Variants in TENM2 observed in about 807,000 individuals in gnomAD.
The protein encoded by TENM2 is teneurin-2.
TENM2 carries 52 observed loss-of-function variants against 245.2 expected under a neutral mutation model. That is an observed-to-expected ratio of 0.21 (90% CI 0.17 to 0.27). TENM2 has a LOEUF of 0.27. Ranked by LOEUF, TENM2 falls within the 10% of genes least tolerant of loss-of-function variation. The probability of loss-of-function intolerance (pLI) is 1.00; values close to 1 mark genes in which losing one functional copy is unlikely to be tolerated. For missense variants in TENM2, 3,046 were observed against 3,666.8 expected (o/e 0.83, Z 4.37); for synonymous variants, 1,363 against 1,438.9 (o/e 0.95, Z 1.19).
intron 2 of TENM2, among the ~76,000 whole-genome samples, chr5:167,733,288 T>C (rs7737589): frequency 6.6e-6 from 1 of 152,184 alleles, no homozygotes; most frequent in Non-Finnish European, 1.5e-5. Context: ...GTCTAGTCAG[T>C]GCTGTGTCAG....
chr5:167,120,929 C>G, the TENM2 span, among the ~76,000 whole-genome samples: 1 of 152,238 alleles, frequency 6.6e-6, no homozygotes, highest in South Asian at 2.1e-4. Flanking sequence ...GTACTTATGC[C>G]TCATGCATCC....
At chr5:168,228,042 C>G in exon 25 of TENM2, 1 of 1,613,906 alleles carries the variant, frequency 6.2e-7, no homozygotes, top group Middle Eastern at 1.7e-4. Flanking sequence ...ATCTCCCTGC[C>G]TATGGAGAAT....
chr5:167,589,814 C>A (rs770084096), intron 2 of TENM2, among the ~76,000 whole-genome samples: 19 of 151,648 alleles, frequency 1.3e-4, no homozygotes, highest in Non-Finnish European at 2.4e-4. Context: ...AATGTGTATG[C>A]CTTACAAATT....
intron 2 of TENM2, among the ~76,000 whole-genome samples, chr5:167,745,685 C>A (rs1324371845): frequency 6.6e-6 from 1 of 152,112 alleles, no homozygotes; most frequent in African/African-American, 2.4e-5. Flanking sequence ...TACTCTACCC[C>A]CAGTCCTAGC....
chr5:168,090,469 A>G, intron 7 of TENM2, 105 bp from the exon 10 acceptor site: 2 of 966,902 alleles, frequency 2.1e-6, no homozygotes, highest in East Asian at 2.6e-5. Context: ...ATGTGCTACA[A>G]AAAAGGTCTT....
At chr5:167,618,987 G>T (rs987546295) in intron 2 of TENM2, among the ~76,000 whole-genome samples, 2 of 152,014 alleles carry the variant, frequency 1.3e-5, no homozygotes, top group African/African-American at 2.4e-5. Context: ...CAATTGGGGT[G>T]GTTGTCACTG....
rs569812326 is a variant in TENM2, at chr5:167,899,907, A to C, written c.712+23712A>C. On this transcript the variant is annotated intron_variant, in intron 3 of 28. Coordinates refer to ENST00000518659, the Ensembl canonical transcript of TENM2. The stretch of plus-strand genomic sequence containing the variant: ...AAGAGAAATAAAAGCAAGTATGTTA[A>C]ATTAATTTGAAAGGTCTTGTTTAAA... 6.6e-5 allele frequency among the ~76,000 whole-genome samples: 10 copies of C among 152,246 alleles called. No homozygotes were observed. The East Asian group carries it at 1.2e-3, about 18-fold the overall frequency.
intron 3 of TENM2, among the ~76,000 whole-genome samples, chr5:167,893,591 T>C (rs909048033): frequency 6.6e-6 from 1 of 152,134 alleles, no homozygotes; most frequent in Non-Finnish European, 1.5e-5. Context: ...ATTTTCTTTT[T>C]TTCCGTTGCC....
chr5:167,566,790 G>T (rs1562060909), intron 2 of TENM2, among the ~76,000 whole-genome samples: 1 of 152,110 alleles, frequency 6.6e-6, no homozygotes, highest in Admixed American at 6.5e-5. Flanking sequence ...ACTCTATTCG[G>T]TCCACCATGG....
chr5:167,101,932 A>T, the TENM2 span, among the ~76,000 whole-genome samples: 1 of 122,688 alleles, frequency 8.2e-6, no homozygotes, highest in East Asian at 2.3e-4. Flanking sequence ...AATTATATAT[A>T]TATATATTTT....
intron 7 of TENM2, among the ~76,000 whole-genome samples, chr5:168,089,022 T>C (rs1184516637): frequency 6.6e-6 from 1 of 152,202 alleles, no homozygotes; most frequent in Non-Finnish European, 1.5e-5. Flanking sequence ...CTTTGAATGT[T>C]CTCTGGAAGT....
chr5:167,776,774 T>C (rs1763838547), intron 2 of TENM2, among the ~76,000 whole-genome samples: 1 of 151,982 alleles, frequency 6.6e-6, no homozygotes, highest in Non-Finnish European at 1.5e-5. Context: ...GCAGCATCTA[T>C]GATTTTCTAT....
chr5:167,708,013 G>A (rs1758651277), intron 2 of TENM2, among the ~76,000 whole-genome samples: 2 of 152,146 alleles, frequency 1.3e-5, no homozygotes, highest in Admixed American at 1.3e-4. Flanking sequence ...AATAAGAGCA[G>A]GGCTTACCTC....
At chr5:168,009,464 C>A (rs1325844587) in intron 5 of TENM2, among the ~76,000 whole-genome samples, 1 of 152,170 alleles carries the variant, frequency 6.6e-6, no homozygotes. Flanking sequence ...ATGGATTGGG[C>A]AGAGAGGGCT....
chr5:167,736,165 A>G (rs1325284057), intron 2 of TENM2, among the ~76,000 whole-genome samples: 2 of 152,108 alleles, frequency 1.3e-5, no homozygotes, highest in Non-Finnish European at 2.9e-5. Context: ...AGCAGCGAGG[A>G]GAAGTACAGA....
In TENM2 at chr5:168,185,942, A is replaced by T. The variant is rs3965123; in HGVS notation, c.2570-4395A>T. Among the ~76,000 whole-genome samples, 15 of 4,620 alleles carry T rather than the reference A, an allele frequency of 3.2e-3. No homozygotes were observed. In the East Asian group the frequency reaches 0.066, roughly 20 times the overall value. 3.0% of individuals were successfully genotyped at this position (4,620 alleles called of 152,430 possible). A position where few individuals can be genotyped will look rare whatever the true frequency, so the allele number is the denominator to read the frequency against. ...TATATATATATATATATATATATAT[A>T]TATATATATATATATATATATATTT... On this transcript the variant is annotated intron_variant, in intron 13 of 28. Transcript: ENST00000518659.
chr5:168,022,402 C>T (rs762984835), intron 5 of TENM2, among the ~76,000 whole-genome samples: 5 of 152,214 alleles, frequency 3.3e-5, no homozygotes, highest in African/African-American at 7.2e-5. Flanking sequence ...CAGTTTTCAA[C>T]GAGTGCCAAG....
At chr5:167,020,588 C>T in the TENM2 span, among the ~76,000 whole-genome samples, 6 of 152,150 alleles carry the variant, frequency 3.9e-5, no homozygotes, top group African/African-American at 1.4e-4. Flanking sequence ...GGAGTGTGTA[C>T]CAGATGGGTT....
At chr5:167,897,131 A>T (rs1272484284) in intron 3 of TENM2, among the ~76,000 whole-genome samples, 8 of 152,222 alleles carry the variant, frequency 5.3e-5, no homozygotes, top group Non-Finnish European at 1.0e-4. Flanking sequence ...TTCCTGATTA[A>T]TCCACACTTT....
Sources: allele counts gnomAD v4.1 joint callset (sites outside exome capture counted in the v4.1 genomes callset), GRCh38; gene constraint gnomAD v4.1.1; transcripts MANE v1.5; gene names NCBI Gene and HGNC (gene_info 2026-07-23, HGNC 2026-07-21).